MYO3B: variants seen among roughly 807,000 people sequenced by gnomAD.
MYO3B encodes myosin IIIB, also known as myosin-IIIb.
Under a neutral mutation model 174.6 loss-of-function variants are expected in MYO3B, and 156 were observed. That is an observed-to-expected ratio of 0.89 (90% CI 0.78 to 1.02). MYO3B has a LOEUF of 1.02. Among genes scored for constraint, MYO3B ranks in the 50% least tolerant of loss-of-function variants. The pLI, the probability that MYO3B is intolerant of heterozygous loss-of-function variation, is 0.00. For missense variants in MYO3B, 1,632 were observed against 1,639.4 expected, an observed-to-expected ratio of 1.00 and a Z score of 0.08; for synonymous variants, 563 against 569.1, an observed-to-expected ratio of 0.99 and a Z score of 0.15.
chr2:170,593,738 A>G (rs749863996), intron 32 of MYO3B, among the ~76,000 whole-genome samples: 45 of 152,222 alleles, frequency 3.0e-4, no homozygotes, highest in Admixed American at 1.3e-3. Context: ...CTTAAAATAA[A>G]TGAGCTCTAT....
At chr2:170,522,058 G>T (rs1688701005) in intron 30 of MYO3B, among the ~76,000 whole-genome samples, 1 of 151,992 alleles carries the variant, frequency 6.6e-6, no homozygotes, top group Non-Finnish European at 1.5e-5. Context: ...TGTTTTCTCT[G>T]GTTCCATTCT....
intron 25 of MYO3B, among the ~76,000 whole-genome samples, chr2:170,480,318 A>C (rs1254681057): frequency 6.6e-6 from 1 of 152,134 alleles, no homozygotes; most frequent in Non-Finnish European, 1.5e-5. Flanking sequence ...GGAATGCTGA[A>C]GTCATGAAGC....
intron 7 of MYO3B, among the ~76,000 whole-genome samples, chr2:170,266,107 T>C (rs1398251001): frequency 6.6e-6 from 1 of 152,176 alleles, no homozygotes; most frequent in Non-Finnish European, 1.5e-5. Context: ...ATCATAATTA[T>C]GATTTTTATG....
At chr2:170,349,876 C>T (rs2105593909) in intron 8 of MYO3B, 1 of 151,038 alleles carries the variant, frequency 6.6e-6, no homozygotes, top group African/African-American at 2.4e-5. Flanking sequence ...GATGTTAGAA[C>T]TCATGATCTT....
At chr2:170,246,833 A>G (rs1227124289) in intron 7 of MYO3B, among the ~76,000 whole-genome samples, 3 of 152,062 alleles carry the variant, frequency 2.0e-5, no homozygotes, top group Non-Finnish European at 4.4e-5. Flanking sequence ...AGGTCTGCCT[A>G]GGGCATGGTT....
intron 9 of MYO3B, among the ~76,000 whole-genome samples, chr2:170,381,402 A>G (rs1342616032): frequency 6.6e-6 from 1 of 152,208 alleles, no homozygotes; most frequent in Non-Finnish European, 1.5e-5. Flanking sequence ...GCTCATGGGT[A>G]TCTATAGGCA....
intron 1 of MYO3B, among the ~76,000 whole-genome samples, chr2:170,186,308 T>A (rs1021442698): frequency 6.6e-6 from 1 of 151,840 alleles, no homozygotes; most frequent in Non-Finnish European, 1.5e-5. Context: ...TATACCCAGT[T>A]TTTTTTAGGG....
chr2:170,584,661 C>T (rs777892540), intron 32 of MYO3B, among the ~76,000 whole-genome samples: 3 of 152,188 alleles, frequency 2.0e-5, no homozygotes, highest in Non-Finnish European at 2.9e-5. Flanking sequence ...CACTTGTTAA[C>T]GTGATTAATA....
chr2:170,632,132 C>G (rs6743933), intron 32 of MYO3B, among the ~76,000 whole-genome samples: 1,628 of 152,262 alleles, frequency 0.011, 34 homozygotes, highest in African/African-American at 0.038. Context: ...ACCAAGCAGA[C>G]CTAATAGACA....
At chr2:170,401,052 G>A (rs917798026) in intron 17 of MYO3B, among the ~76,000 whole-genome samples, 5 of 152,116 alleles carry the variant, frequency 3.3e-5, no homozygotes, top group South Asian at 2.1e-4. Context: ...AAAGTTCCAC[G>A]GGTAATTATG....
rs539072434 is a variant in MYO3B, at chr2:170,403,948, AT to A, written c.2278-289del. Among the ~76,000 whole-genome samples, 890 of 150,930 alleles carry A rather than the reference AT, an allele frequency of 5.9e-3. 7 individuals are homozygous for A. Among genetic ancestry groups the A allele is most frequent in the Non-Finnish European group, 8.2e-3 (556 of 67,636 alleles). On this transcript the variant is annotated intron_variant, in intron 19 of 34. Coordinates refer to ENST00000408978, the MANE Select transcript of MYO3B (RefSeq NM_138995.5). ...TAAACAATATTTCTCACCAAAATAAATTTTTTTTTTCAGCTTCACTTCCTTG... is the reference window on the plus strand; with the variant it reads ...TAAACAATATTTCTCACCAAAATAAATTTTTTTTTCAGCTTCACTTCCTTG...
intron 1 of MYO3B, among the ~76,000 whole-genome samples, chr2:170,183,002 A>G (rs1046608615): frequency 1.3e-5 from 2 of 151,324 alleles, no homozygotes; most frequent in African/African-American, 4.9e-5. Flanking sequence ...CATGCCTGTA[A>G]TCTAGGACTT....
At position 170,206,393 on chromosome 2, in the gene MYO3B, C is replaced by T. The variant is rs905067400; in HGVS notation, c.321+6109C>T. 1.3e-5 allele frequency among the ~76,000 whole-genome samples: 2 copies of T among 152,170 alleles called. No homozygotes were observed. The highest frequency in any genetic ancestry group is 6.5e-5 in the Admixed American group (1 of 15,282). On this transcript the variant is annotated intron_variant, in intron 3 of 34. Coordinates refer to ENST00000408978, the MANE Select transcript of MYO3B (RefSeq NM_138995.5). The surrounding 1 kb of genome is among the most constrained non-coding windows in gnomAD (Gnocchi z 4.3). ...TTCCACATTCCACACTATAATTACTCGTATGTCCATTACTGGGCAGTGACC... is the reference window on the plus strand; with the variant it reads ...TTCCACATTCCACACTATAATTACTTGTATGTCCATTACTGGGCAGTGACC...
intron 9 of MYO3B, among the ~76,000 whole-genome samples, chr2:170,377,203 G>T (rs1427444982): frequency 6.6e-6 from 1 of 152,210 alleles, no homozygotes; most frequent in African/African-American, 2.4e-5. Context: ...ACACAGAAAT[G>T]GTTTTAACCA....
At chr2:170,513,743 T>C (rs1293660471) in intron 28 of MYO3B, among the ~76,000 whole-genome samples, 1 of 152,324 alleles carries the variant, frequency 6.6e-6, no homozygotes, top group African/African-American at 2.4e-5. Context: ...GGCCTGTGTC[T>C]CTTTAATTTA....
At chr2:170,244,670 C>T (rs1025712395) in intron 7 of MYO3B, among the ~76,000 whole-genome samples, 4 of 152,156 alleles carry the variant, frequency 2.6e-5, no homozygotes, top group Non-Finnish European at 5.9e-5. Context: ...GGGATAATTA[C>T]TAAAATTTTT....
chr2:170,270,519 G>T (rs2093418028), intron 7 of MYO3B, among the ~76,000 whole-genome samples: 1 of 152,204 alleles, frequency 6.6e-6, no homozygotes, highest in South Asian at 2.1e-4. Context: ...CTCTGAGCCT[G>T]TTCTGTCAGA....
At chr2:170,401,777 C>A in intron 18 of MYO3B, 86 bp downstream of exon 18, 1 of 1,186,074 alleles carries the variant, frequency 8.4e-7, no homozygotes, top group Non-Finnish European at 1.2e-6. Context: ...AGCATTTGGT[C>A]CTCTCTGGGA....
At chr2:170,186,301 A>G (rs2092461698) in intron 1 of MYO3B, among the ~76,000 whole-genome samples, 1 of 123,426 alleles carries the variant, frequency 8.1e-6, no homozygotes, top group Non-Finnish European at 1.9e-5. Flanking sequence ...TTCCTTCTAT[A>G]CCCAGTTTTT....
Sources: allele counts gnomAD v4.1 joint callset (sites outside exome capture counted in the v4.1 genomes callset), GRCh38; gene constraint gnomAD v4.1.1; non-coding constraint Gnocchi (gnomAD v3.1); transcripts MANE v1.5; gene names NCBI Gene and HGNC (gene_info 2026-07-23, HGNC 2026-07-21).